Variants in NLGN4X observed in about 807,000 individuals in gnomAD.
The protein encoded by NLGN4X is neuroligin-4, X-linked.
A neutral mutation model predicts 40.3 loss-of-function variants in NLGN4X; 3 were observed. The observed-to-expected ratio is 0.07, with a 90% CI of 0.03 to 0.19. The LOEUF (loss-of-function observed/expected upper bound fraction) is 0.19, where lower values mean the gene tolerates loss of function less well. NLGN4X is among the 10% of genes least tolerant of loss of function. The pLI, the probability that NLGN4X is intolerant of heterozygous loss-of-function variation, is 1.00. For synonymous variants in NLGN4X, 270 were observed against 306.8 expected (o/e 0.88, Z 1.25); for missense variants, 382 against 708.3 (o/e 0.54, Z 5.23).
chrX:6,151,392 G>T lies in NLGN4X; in HGVS notation c.75C>A (p.Val25=), dbSNP rs201045352. The change falls in exon 2 of 6, where the codon GTC becomes GTA. Residue 25 remains valine (V), a synonymous_variant. Transcript: ENST00000381095. ...TGGCAAGAGCAGTTAACCACAGGAG[G>T]ACATTGGAGTTTAACATGACGCAGA... ...TPVCVMLNSN[V]LLWLTALAIK... 7.4e-6 allele frequency: 9 copies of T among 1,209,858 alleles called. No individual in the cohort carries two copies. The East Asian group carries it at 1.8e-4, about 24-fold the overall frequency.
intron 3 of NLGN4X, among the ~76,000 whole-genome samples, chrX:5,971,125 A>G (rs1000011807): frequency 8.9e-6 from 1 of 112,054 alleles, no homozygotes; most frequent in Admixed American, 9.5e-5. Context: ...TACATTTTCT[A>G]TTTTCAGAAA....
chrX:5,981,732 T>C (rs2035394680), intron 3 of NLGN4X, among the ~76,000 whole-genome samples: 1 of 111,301 alleles, frequency 9.0e-6, no homozygotes, highest in South Asian at 3.7e-4. Flanking sequence ...GACTGATTGA[T>C]AGATAAATAA....
chrX:5,982,813 G>A (rs777255825), intron 3 of NLGN4X, among the ~76,000 whole-genome samples: 3 of 112,029 alleles, frequency 2.7e-5, no homozygotes, highest in African/African-American at 9.7e-5. Context: ...AACCCTGTTC[G>A]TGCCACTGCA....
intron 3 of NLGN4X, among the ~76,000 whole-genome samples, chrX:5,969,597 A>G (rs1569159847): frequency 9.0e-6 from 1 of 111,472 alleles, no homozygotes; most frequent in East Asian, 2.8e-4. Flanking sequence ...TAGTTCAACC[A>G]TTGTGGAAGT....
chrX:5,897,464 G>C (rs1159775883), intron 5 of NLGN4X, among the ~76,000 whole-genome samples: 1 of 111,380 alleles, frequency 9.0e-6, no homozygotes, highest in Non-Finnish European at 1.9e-5. Context: ...CACTGCAGCT[G>C]ATTTCCAAAA....
chrX:5,951,798 C>T (rs1034394937), intron 3 of NLGN4X, among the ~76,000 whole-genome samples: 1 of 111,384 alleles, frequency 9.0e-6, no homozygotes, highest in Admixed American at 9.6e-5. Context: ...AGCCCCACTT[C>T]CAAATACCTA....
intron 2 of NLGN4X, among the ~76,000 whole-genome samples, chrX:6,044,836 A>T (rs1314182464): frequency 1.8e-5 from 2 of 112,422 alleles, no homozygotes; most frequent in African/African-American, 6.5e-5. Flanking sequence ...ATAAAGTCTT[A>T]AAAAAGACAC....
intron 2 of NLGN4X, among the ~76,000 whole-genome samples, chrX:6,122,863 A>G (rs1332481974): frequency 1.9e-5 from 2 of 107,435 alleles, no homozygotes; most frequent in Non-Finnish European, 3.8e-5. Context: ...GAACAGACTG[A>G]AATGGAAGGA....
At chrX:5,979,931 C>T (rs1248041447) in intron 3 of NLGN4X, among the ~76,000 whole-genome samples, 3 of 100,218 alleles carry the variant, frequency 3.0e-5, no homozygotes, top group African/African-American at 1.3e-4. Flanking sequence ...ATTTAGTATA[C>T]TACATGTGCT....
At chrX:5,908,418 C>T (rs1056900300) in intron 4 of NLGN4X, among the ~76,000 whole-genome samples, 5 of 111,470 alleles carry the variant, frequency 4.5e-5, no homozygotes, top group Non-Finnish European at 9.4e-5. Context: ...AAAATCTATA[C>T]ACCCGCATCC....
At chrX:6,209,065 C>T (rs150021916) in intron 1 of NLGN4X, among the ~76,000 whole-genome samples, 151 of 112,142 alleles carry the variant, frequency 1.3e-3, no homozygotes, top group African/African-American at 4.6e-3. Flanking sequence ...AAGAACGAAA[C>T]TATCTCTTTT....
intron 1 of NLGN4X, among the ~76,000 whole-genome samples, chrX:6,212,028 C>G (rs367855517): frequency 1.4e-4 from 16 of 110,935 alleles, no homozygotes; most frequent in African/African-American, 4.9e-4. Context: ...GGCGGCTCAT[C>G]TGAGGTCAGG....
chrX:6,221,069 TTTTA>T (rs1925637421), intron 1 of NLGN4X, among the ~76,000 whole-genome samples: 2 of 108,228 alleles, frequency 1.8e-5, no homozygotes, highest in South Asian at 7.8e-4. Flanking sequence ...CATTTTCTAT[TTTTA>T]TTTATTATTT....
intron 1 of NLGN4X, among the ~76,000 whole-genome samples, chrX:6,202,862 G>T (rs2147860104): frequency 9.0e-6 from 1 of 111,515 alleles, no homozygotes; most frequent in South Asian, 3.8e-4. Flanking sequence ...TTCTTAACTG[G>T]ACAACTCCAC....
At chrX:5,899,690 C>CTTTTT (rs72374207) in intron 5 of NLGN4X, among the ~76,000 whole-genome samples, 2 of 96,007 alleles carry the variant, frequency 2.1e-5, no homozygotes, top group Non-Finnish European at 2.1e-5. Context: ...GTCTTTTTTC[C>CTTTTT]TTTTTTTTTT....
At chrX:6,196,267 CT>C (rs1169448308) in intron 1 of NLGN4X, among the ~76,000 whole-genome samples, 3 of 111,719 alleles carry the variant, frequency 2.7e-5, no homozygotes, top group African/African-American at 9.7e-5. Flanking sequence ...AATATTCCCA[CT>C]GAAAGTGTTT....
chrX:6,210,721 A>G (rs1924527831), intron 1 of NLGN4X, among the ~76,000 whole-genome samples: 2 of 112,398 alleles, frequency 1.8e-5, no homozygotes, highest in Non-Finnish European at 3.8e-5. Flanking sequence ...GAGTAAAAAG[A>G]GCAGTTTTTT....
At chrX:6,002,372 G>A (rs1212855501) in intron 3 of NLGN4X, among the ~76,000 whole-genome samples, 1 of 111,800 alleles carries the variant, frequency 8.9e-6, no homozygotes, top group Non-Finnish European at 1.9e-5. Flanking sequence ...ATATTCAGGT[G>A]GATGGATCTT....
chrX:6,215,872 C>CA (rs1450017601), intron 1 of NLGN4X, among the ~76,000 whole-genome samples: 35 of 83,110 alleles, frequency 4.2e-4, no homozygotes, highest in Non-Finnish European at 7.1e-4. Flanking sequence ...AGTAAATACT[C>CA]AAACACTTTT....
Sources: allele counts gnomAD v4.1 joint callset (sites outside exome capture counted in the v4.1 genomes callset), GRCh38; gene constraint gnomAD v4.1.1; transcripts MANE v1.5; gene names NCBI Gene and HGNC (gene_info 2026-07-23, HGNC 2026-07-21).